The following SPINK9 variants were observed in gnomAD, a reference collection of about 807,000 sequenced individuals.
The protein encoded by SPINK9 is serine peptidase inhibitor Kazal type 9, also known as serine protease inhibitor Kazal-type 9.
SPINK9 carries 3 observed loss-of-function variants against 10.8 expected under a neutral mutation model. The observed-to-expected ratio is 0.28, with a 90% CI of 0.13 to 0.72. SPINK9 has a LOEUF of 0.72. Ranked by LOEUF, SPINK9 falls within the 30% of genes least tolerant of loss-of-function variation. The probability of loss-of-function intolerance (pLI) is 0.74; values close to 1 mark genes in which losing one functional copy is unlikely to be tolerated. For synonymous variants in SPINK9, 30 were observed against 31.2 expected (o/e 0.96, Z 0.12); for missense variants, 101 against 103.2 (o/e 0.98, Z 0.09).
At chr5:148,331,121 G>C (rs1417511455), upstream of SPINK9, among the ~76,000 whole-genome samples, 1 of 152,196 alleles carries the variant, frequency 6.6e-6, no homozygotes, top group Non-Finnish European at 1.5e-5. Context: ...GCACTCCCCA[G>C]TGAGACGAAC....
chr5:148,322,429 T>C (rs1389870678), intron 1 of SPINK9, among the ~76,000 whole-genome samples: 1 of 152,122 alleles, frequency 6.6e-6, no homozygotes, highest in Non-Finnish European at 1.5e-5. Context: ...CTGTCAGGAA[T>C]GGAAGAGAGC....
chr5:148,336,321 T>A (rs1757216716), intron 1 of SPINK9, 101 bp from the exon 2 acceptor site: 2 of 1,259,512 alleles, frequency 1.6e-6, no homozygotes, highest in Admixed American at 3.6e-5. Context: ...CTTACATTTT[T>A]ATGACAGGCT....
intron 3 of SPINK9, among the ~76,000 whole-genome samples, chr5:148,339,400 A>G (rs564660657): frequency 1.3e-5 from 2 of 152,182 alleles, no homozygotes; most frequent in Admixed American, 6.5e-5. Context: ...TTATGAAAAG[A>G]GACTTCTAAA....
intron 2 of SPINK9, among the ~76,000 whole-genome samples, chr5:148,330,127 T>C (rs1199470650): frequency 6.6e-6 from 1 of 152,184 alleles, no homozygotes; most frequent in Non-Finnish European, 1.5e-5. Flanking sequence ...CCATTATTAT[T>C]ATGTGGGAGT....
Position 148,339,649 on chromosome 5 carries a change from G to A in SPINK9, c.216-18G>A. The A allele has an allele frequency of 6.2e-7, 1 of 1,610,338 alleles. No individual in the cohort carries two copies. Among genetic ancestry groups the A allele is most frequent in the Non-Finnish European group, 8.5e-7 (1 of 1,177,404 alleles). ...ATGGGCTCAGCATTTCTCATTTGTT[G>A]CTATATTCTCTCCACAGGAAAACTG... is the stretch of plus-strand genomic sequence containing the variant. On this transcript the variant is annotated intron_variant, in intron 3 of 3. Transcript: ENST00000377906.
upstream of SPINK9, among the ~76,000 whole-genome samples, chr5:148,334,408 T>C (rs1757188558): frequency 6.6e-6 from 1 of 152,066 alleles, no homozygotes; most frequent in African/African-American, 2.4e-5. Flanking sequence ...ATAAGTTTGA[T>C]CAAGAAGATA....
intron 1 of SPINK9, among the ~76,000 whole-genome samples, chr5:148,321,605 A>T (rs1307565766): frequency 6.6e-6 from 1 of 151,860 alleles, no homozygotes; most frequent in Non-Finnish European, 1.5e-5. Context: ...TCTTTTCATT[A>T]TGCCACCCTG....
At chr5:148,333,813 TC>T (rs1312536118), upstream of SPINK9, among the ~76,000 whole-genome samples, 1 of 152,228 alleles carries the variant, frequency 6.6e-6, no homozygotes, top group Non-Finnish European at 1.5e-5. Flanking sequence ...GTACCTCACT[TC>T]ATTCATTTTT....
chr5:148,327,900 T>C (rs1338793687), intron 2 of SPINK9, among the ~76,000 whole-genome samples: 2 of 152,212 alleles, frequency 1.3e-5, no homozygotes, highest in African/African-American at 4.8e-5. Context: ...GCTGTTTTGG[T>C]TACTGTAGCC....
chr5:148,338,066 C>T (rs748810167), intron 2 of SPINK9, among the ~76,000 whole-genome samples: 9 of 152,126 alleles, frequency 5.9e-5, no homozygotes, highest in Non-Finnish European at 1.3e-4. Context: ...GTTATCCCTA[C>T]ATTTCACACT....
At chr5:148,329,004 G>A (rs1757109207) in intron 2 of SPINK9, among the ~76,000 whole-genome samples, 1 of 152,176 alleles carries the variant, frequency 6.6e-6, no homozygotes, top group Admixed American at 6.5e-5. Flanking sequence ...GTGTCAGGAT[G>A]ATGCTGGCCT....
At chr5:148,337,555 G>A in intron 2 of SPINK9, among the ~76,000 whole-genome samples, 1 of 152,168 alleles carries the variant, frequency 6.6e-6, no homozygotes, top group East Asian at 1.9e-4. Flanking sequence ...ACAAGCTGGA[G>A]ATGCAGTCTT....
intron 2 of SPINK9, 22 bp from the exon 3 acceptor site, chr5:148,338,456 G>A (rs949572461): frequency 1.3e-5 from 21 of 1,580,364 alleles, no homozygotes; most frequent in Non-Finnish European, 1.6e-5. Flanking sequence ...AAGAGTTGAA[G>A]GTTTTTAATA....
At chr5:148,329,695 G>A (rs931015404) in intron 2 of SPINK9, among the ~76,000 whole-genome samples, 6 of 151,944 alleles carry the variant, frequency 3.9e-5, no homozygotes, top group Non-Finnish European at 8.8e-5. Flanking sequence ...AGAGATTCTG[G>A]TATGTTGTGT....
At chr5:148,327,191 A>C (rs1171066166) in intron 2 of SPINK9, among the ~76,000 whole-genome samples, 1 of 152,176 alleles carries the variant, frequency 6.6e-6, no homozygotes, top group Non-Finnish European at 1.5e-5. Flanking sequence ...CTGACTTTTC[A>C]ATGATCGCCA....
upstream of SPINK9, among the ~76,000 whole-genome samples, chr5:148,332,318 T>G (rs891786647): frequency 6.6e-6 from 1 of 152,180 alleles, no homozygotes; most frequent in African/African-American, 2.4e-5. Context: ...TTCAGTAAAT[T>G]CTCAAGTAAA....
chr5:148,338,384 C>A, intron 2 of SPINK9, 94 bp from the exon 3 acceptor site: 1 of 1,084,578 alleles, frequency 9.2e-7, no homozygotes, highest in Non-Finnish European at 1.3e-6. Context: ...AAGAAACATG[C>A]ATTGAGAGCC....
chr5:148,325,944 G>C (rs1757053749), intron 2 of SPINK9, among the ~76,000 whole-genome samples: 1 of 152,148 alleles, frequency 6.6e-6, no homozygotes, highest in Non-Finnish European at 1.5e-5. Context: ...ATATCCAGTT[G>C]TCCCAGCCTG....
chr5:148,335,943 T>C (rs934470358), intron 1 of SPINK9, among the ~76,000 whole-genome samples: 1 of 152,194 alleles, frequency 6.6e-6, no homozygotes, highest in Non-Finnish European at 1.5e-5. Flanking sequence ...TGACTTGATG[T>C]CACCATTTAC....
Sources: allele counts gnomAD v4.1 joint callset (sites outside exome capture counted in the v4.1 genomes callset), GRCh38; gene constraint gnomAD v4.1.1; transcripts MANE v1.5; gene names NCBI Gene and HGNC (gene_info 2026-07-23, HGNC 2026-07-21).